HMX1: variants seen among roughly 807,000 people sequenced by gnomAD.
HMX1 encodes H6 family homeobox 1, also known as homeobox protein HMX1.
In HMX1, 8 loss-of-function variants were observed where a neutral mutation model predicts 8.9. The ratio of observed to expected loss-of-function variants is 0.90; its 90% CI spans 0.53 to 1.63. The LOEUF (loss-of-function observed/expected upper bound fraction) is 1.63, where lower values mean the gene tolerates loss of function less well. Ranked by LOEUF, HMX1 falls within the 40% of genes most tolerant of loss-of-function variation. HMX1 has a pLI of 0.00. For synonymous variants in HMX1, 311 were observed against 283.4 expected, an observed-to-expected ratio of 1.10 and a Z score of -0.98; for missense variants, 621 against 558.5, an observed-to-expected ratio of 1.11 and a Z score of -1.13.
At chr4:8,852,548 G>A (rs955339952) in intron 1 of HMX1, among the ~76,000 whole-genome samples, 3 of 152,198 alleles carry the variant, frequency 2.0e-5, no homozygotes, top group South Asian at 2.1e-4. Flanking sequence ...GGCTGCACAC[G>A]CGGGGCCTGG....
downstream of HMX1, among the ~76,000 whole-genome samples, chr4:8,863,607 C>A (rs928028392): frequency 2.0e-5 from 3 of 151,964 alleles, no homozygotes; most frequent in Non-Finnish European, 4.4e-5. Context: ...TTCGGGAGTG[C>A]AAAGGCCAAG....
chr4:8,865,544 C>A (rs913770480), downstream of HMX1, among the ~76,000 whole-genome samples: 22 of 152,032 alleles, frequency 1.4e-4, no homozygotes, highest in Non-Finnish European at 2.6e-4. Context: ...GGACTCGCAG[C>A]GATGTGTCCC....
chr4:8,846,361 T>A, intron 1 of HMX1: 1 of 1,463,506 alleles, frequency 6.8e-7, no homozygotes, highest in Non-Finnish European at 9.2e-7. Context: ...GGAGCACTAG[T>A]CATGTCTGCA....
At chr4:8,852,896 C>T (rs945284072) in intron 1 of HMX1, among the ~76,000 whole-genome samples, 7 of 152,172 alleles carry the variant, frequency 4.6e-5, no homozygotes, top group African/African-American at 1.7e-4. Context: ...TTGCCCTTCC[C>T]CTTATTCCTG....
downstream of HMX1, among the ~76,000 whole-genome samples, chr4:8,865,362 C>T (rs1004402993): frequency 1.8e-4 from 27 of 152,170 alleles, no homozygotes; most frequent in Non-Finnish European, 2.5e-4. Flanking sequence ...TGCGAGTGCC[C>T]GAGGCCTCGC....
Position 8,868,550 on chromosome 4 carries a change from AACCAACACCCCGCAACAC to A in HMX1, c.395-223_395-206del, listed in dbSNP as rs1021437604. 9.9e-5 allele frequency among the ~76,000 whole-genome samples: 15 copies of A among 152,010 alleles called. No homozygotes were observed. Among genetic ancestry groups the A allele is most frequent in the Non-Finnish European group, 7.4e-5 (5 of 67,994 alleles). On this transcript the variant is annotated intron_variant, in intron 1 of 1. Transcript: ENST00000400677. The surrounding 1 kb of genome is among the most constrained non-coding windows in gnomAD (Gnocchi z 4.6). ...GCCCAGAGACCAGGCAGCAGCTCCA[AACCAACACCCCGCAACAC>A]ACCAACACCCCGCAACACACAAACA...
At chr4:8,865,197 T>C (rs1721956312), downstream of HMX1, among the ~76,000 whole-genome samples, 3 of 152,176 alleles carry the variant, frequency 2.0e-5, no homozygotes, top group Non-Finnish European at 2.9e-5. Context: ...ACCACTGCGC[T>C]AAGAGGCACC....
At chr4:8,859,853 G>A (rs1406836866) in intron 1 of HMX1, among the ~76,000 whole-genome samples, 1 of 152,244 alleles carries the variant, frequency 6.6e-6, no homozygotes, top group Non-Finnish European at 1.5e-5. Flanking sequence ...GGAGGCGGAA[G>A]GGCCATTCGC....
rs1231025673 is a variant in HMX1, at chr4:8,867,280, GCAGTCTGTGGGGA to G, written c.*400_*412del. On this transcript the variant is annotated 3_prime_UTR_variant, in exon 2 of 2. Transcript: ENST00000400677. The stretch of plus-strand genomic sequence containing the variant: ...AGGAAAGGGACGTTTAGTGTTGGGG[GCAGTCTGTGGGGA>G]CAGTCACCGCTCAGCCTTGGACAGC... 5 of 987,136 alleles carry G rather than the reference GCAGTCTGTGGGGA, an allele frequency of 5.1e-6. No individual in the cohort carries two copies. In the East Asian group the frequency reaches 4.5e-4, roughly 89 times the overall value. 61.1% of individuals were successfully genotyped at this position (987,136 alleles called of 1,614,324 possible). A position where few individuals can be genotyped will look rare whatever the true frequency, so the allele number is the denominator to read the frequency against.
At chr4:8,862,716 T>A (rs1721868917), downstream of HMX1, among the ~76,000 whole-genome samples, 1 of 152,230 alleles carries the variant, frequency 6.6e-6, no homozygotes, top group African/African-American at 2.4e-5. Flanking sequence ...TTCACTGCAA[T>A]GTCCAGATAA....
chr4:8,867,185 G>C lies in HMX1; in HGVS notation c.*508C>G, dbSNP rs531200308. On this transcript the variant is annotated 3_prime_UTR_variant, in exon 2 of 2. Transcript: ENST00000400677. Reference sequence around the variant, plus strand: ...CGGACGATGGGACCCACAGGTCCAGGGTCCTTTCTCCACCAGCACCCGCGA... The same window carrying C: ...CGGACGATGGGACCCACAGGTCCAGCGTCCTTTCTCCACCAGCACCCGCGA... 6 of 985,364 alleles carry C rather than the reference G, an allele frequency of 6.1e-6. No individual in the cohort carries two copies. The highest frequency in any genetic ancestry group is 1.7e-5 in the African/African-American group (1 of 57,258). The allele number at this position is 985,364 out of a possible 1,614,324, so 61.0% of individuals were successfully genotyped here. A position where few individuals can be genotyped will look rare whatever the true frequency, so the allele number is the denominator to read the frequency against.
chr4:8,851,881 G>A (rs1277751475), intron 1 of HMX1, among the ~76,000 whole-genome samples: 6 of 152,232 alleles, frequency 3.9e-5, no homozygotes, highest in East Asian at 1.9e-4. Context: ...ACTTTCCTCC[G>A]CTCATGCCCC....
downstream of HMX1, among the ~76,000 whole-genome samples, chr4:8,863,734 C>T (rs1026471410): frequency 1.3e-5 from 2 of 152,268 alleles, no homozygotes; most frequent in African/African-American, 4.8e-5. Flanking sequence ...GCTGCCTGCT[C>T]TCTCGGCCAA....
chr4:8,858,307 G>C (rs1394938725), intron 1 of HMX1, among the ~76,000 whole-genome samples: 2 of 152,120 alleles, frequency 1.3e-5, no homozygotes, highest in Non-Finnish European at 2.9e-5. Flanking sequence ...GAGGCAGAGA[G>C]GTCCGGAGAA....
chr4:8,846,658 C>T (rs572514307), intron 1 of HMX1, among the ~76,000 whole-genome samples: 1 of 152,280 alleles, frequency 6.6e-6, no homozygotes, highest in African/African-American at 2.4e-5. Context: ...CCTGCCTCTT[C>T]CACCTCTCAC....
chr4:8,863,608 A>C (rs1721901966), downstream of HMX1, among the ~76,000 whole-genome samples: 1 of 151,898 alleles, frequency 6.6e-6, no homozygotes, highest in Non-Finnish European at 1.5e-5. Flanking sequence ...TCGGGAGTGC[A>C]AAGGCCAAGC....
intron 1 of HMX1, among the ~76,000 whole-genome samples, chr4:8,850,775 G>A (rs1009929362): frequency 1.3e-5 from 2 of 152,148 alleles, no homozygotes; most frequent in African/African-American, 4.8e-5. Context: ...CCAGCCCTGC[G>A]ACTCGGTCTT....
chr4:8,854,644 G>C (rs1721555630), intron 1 of HMX1, among the ~76,000 whole-genome samples: 1 of 152,222 alleles, frequency 6.6e-6, no homozygotes, highest in African/African-American at 2.4e-5. Flanking sequence ...GGGCTTGCCA[G>C]ACCACACGCT....
intron 1 of HMX1, among the ~76,000 whole-genome samples, chr4:8,852,644 G>A (rs1206907203): frequency 6.6e-6 from 1 of 152,240 alleles, no homozygotes; most frequent in Non-Finnish European, 1.5e-5. Context: ...GGTCACTGGT[G>A]CAGCTGAAGG....
Sources: gnomAD v4.1 joint callset for allele counts (sites outside exome capture counted in the v4.1 genomes callset) on GRCh38, gnomAD v4.1.1 for gene constraint, Gnocchi (gnomAD v3.1) non-coding constraint, MANE v1.5 for transcripts, NCBI Gene and HGNC (gene_info 2026-07-23, HGNC 2026-07-21) for gene names.